The following DDX51 variants were observed in gnomAD, a reference collection of about 807,000 sequenced individuals.
DDX51 encodes the protein ATP-dependent RNA helicase DDX51.
In DDX51, 67 loss-of-function variants were observed where a neutral mutation model predicts 74.6. That is an observed-to-expected ratio of 0.90 (90% CI 0.74 to 1.10). The LOEUF is 1.10. Ranked by LOEUF, DDX51 falls within the 50% of genes least tolerant of loss-of-function variation. The probability of loss-of-function intolerance (pLI) is 0.00; values close to 1 mark genes in which losing one functional copy is unlikely to be tolerated. For missense variants in DDX51, 1,056 were observed against 905.2 expected (o/e 1.17, Z -2.14); for synonymous variants, 545 against 402.9 (o/e 1.35, Z -4.22).
intron 2 of DDX51, chr12:132,143,122 C>T: frequency 1.9e-6 from 1 of 532,194 alleles, no homozygotes; most frequent in South Asian, 2.0e-5. Flanking sequence ...CCTCCCGCAG[C>T]CAGGAGGTCC....
rs765984209 is a variant in DDX51 at position 132,140,207 on chromosome 12, G to A, written c.1674-8C>T. The A allele has an allele frequency of 1.2e-6, 2 of 1,610,898 alleles. No individual in the cohort carries two copies. The highest frequency in any genetic ancestry group is 1.3e-5 in the African/African-American group (1 of 75,030). On this transcript the variant is annotated splice_region_variant and splice_polypyrimidine_tract_variant and intron_variant, in intron 11 of 14. Transcript: ENST00000397333. The stretch of plus-strand genomic sequence containing the variant: ...GCGTCCGTGCTGATGAGCCTGCCGG[G>A]ACACGCAGCATTGTGGGCCCGACGT...
In DDX51 at chr12:132,144,271, T is replaced by C. The variant is rs1441597242; in HGVS notation, c.26A>G (p.Tyr9Cys). The C allele has an allele frequency of 3.2e-6, 4 of 1,251,766 alleles. No individual in the cohort carries two copies. Among genetic ancestry groups the C allele is most frequent in the East Asian group, 3.2e-5 (1 of 31,546 alleles). 77.5% of individuals were successfully genotyped at this position (1,251,766 alleles called of 1,614,324 possible). MALFYVARYPGPDAAAAAG... is the reference protein window; with the variant it reads MALFYVARCPGPDAAAAAG... ...CGCAGCTGCCGCATCGGGGCCCGGG[T>C]ACCGCGCGACGTAGAACAGCGCCAT... is the stretch of plus-strand genomic sequence containing the variant. Residue 9 changes from tyrosine to cysteine, a missense_variant, in exon 1 of 15, where the codon TAC (tyrosine) becomes TGC (cysteine). Physicochemically the swap from Tyr to Cys is radical, Grantham distance 194. Transcript: ENST00000397333.
Position 132,141,267 on chromosome 12 carries a change from C to A in DDX51, c.1250+8G>T. The A allele has an allele frequency of 6.3e-7, 1 of 1,586,106 alleles. No individual in the cohort carries two copies. The highest frequency in any genetic ancestry group is 8.5e-7 in the Non-Finnish European group (1 of 1,171,868). ...GGGAGGCCAGCACCTGGGCGTGCTG[C>A]TGGATACCTGGCGGCTGTCACAGCC... On this transcript the variant is annotated splice_region_variant and intron_variant, in intron 8 of 14. Transcript: ENST00000397333.
Position 132,140,033 on chromosome 12 carries a change from C to T in DDX51, c.1775+65G>A. 3.1e-6 allele frequency: 5 copies of T among 1,606,316 alleles called. No individual in the cohort carries two copies. In the South Asian group the frequency reaches 5.5e-5, roughly 18 times the overall value. ...CCACCCCACGCCAGTCAAGACGGTC[C>T]CACATCAACGCCCAGGAGCTCACAA... On this transcript the variant is annotated intron_variant, in intron 12 of 14. Transcript: ENST00000397333.
Position 132,140,730 on chromosome 12 carries a change from G to A in DDX51, c.1446C>T (p.His482=), listed in dbSNP as rs1897421160. The A allele has an allele frequency of 1.9e-6, 3 of 1,613,030 alleles. No homozygotes were observed. Among genetic ancestry groups the A allele is most frequent in the Admixed American group, 1.7e-5 (1 of 60,002 alleles). The part of the protein sequence containing the change: ...KYAFPVGLTH[H]YVPCSLSSKP... ...TAGAGCTGAGGCTGCAGGGCACGTAGTGGTGCTACAGGGACGGCAGGGGGT... is the reference window on the plus strand; with the variant it reads ...TAGAGCTGAGGCTGCAGGGCACGTAATGGTGCTACAGGGACGGCAGGGGGT... Residue 482 remains histidine, a synonymous_variant, in exon 10 of 15, where the codon CAC becomes CAT. Transcript: ENST00000397333.
At chr12:132,143,016 T>C (rs1326202000) in intron 2 of DDX51, 138 bp from the exon 3 acceptor site, 1 of 1,123,352 alleles carries the variant, frequency 8.9e-7, no homozygotes, top group Non-Finnish European at 1.3e-6. Flanking sequence ...AGGATGCGCT[T>C]TCCATACAGC....
In DDX51 at chr12:132,142,333, C is replaced by G; in HGVS notation, c.760G>C (p.Val254Leu). 1 of 1,613,128 alleles carries G rather than the reference C, an allele frequency of 6.2e-7. No individual in the cohort carries two copies. The highest frequency in any genetic ancestry group is 8.5e-7 in the Non-Finnish European group (1 of 1,180,014). ...TTCCCACTGCCTGTTGGGGCAGAAA[C>G]ACAGAGGTCGCTAGGCCGGTAGCCA... Reference protein sequence around the residue: ...RGGYRPSDLCVSAPTGSGKTL... With the variant: ...RGGYRPSDLCLSAPTGSGKTL... Residue 254 changes from valine to leucine, a missense_variant, in exon 4 of 15, where the codon GTT becomes CTT. Transcript: ENST00000397333.
At chr12:132,141,471 G>C (rs1897459670) in intron 7 of DDX51, 27 bp downstream of exon 7, 3 of 1,582,320 alleles carry the variant, frequency 1.9e-6, no homozygotes, top group Admixed American at 1.7e-5. Context: ...TGAGCTCAAA[G>C]CCCAGGCCCC....
rs1897380851 is a variant in DDX51, at chr12:132,139,903, A to C, written c.1797T>G (p.Ala599=). The change falls in exon 13 of 15, where the codon GCT becomes GCG. Residue 599 remains alanine (A), a synonymous_variant. Coordinates refer to ENST00000397333, the MANE Select transcript of DDX51 (RefSeq NM_175066.4). ...YVHRVGRTAR[A]GKTGQAFTLL... ...GTGTGAAGGCCTGTCCAGTTTTCCC[A>C]GCGCGAGCTGTCCTCCCAACCCTGG... The C allele has an allele frequency of 2.5e-6, 4 of 1,612,994 alleles. No individual in the cohort carries two copies. Among genetic ancestry groups the C allele is most frequent in the South Asian group, 2.2e-5 (2 of 91,094 alleles).
At chr12:132,140,261 G>T in intron 11 of DDX51, 62 bp from the exon 12 acceptor site, 1 of 1,579,790 alleles carries the variant, frequency 6.3e-7, no homozygotes, top group South Asian at 1.1e-5. Flanking sequence ...GGCAGCACCG[G>T]CCCTGCGGGG....
rs1897297516 is a variant in DDX51, at chr12:132,137,541, G to A, written c.*1731C>T. On this transcript the variant is annotated 3_prime_UTR_variant, in exon 15 of 15. Coordinates refer to ENST00000397333, the MANE Select transcript of DDX51 (RefSeq NM_175066.4). ...TGTTTGAACACAGTCCACAGGTTCA[G>A]TGGTTGCATCTCTAATCAGCTGCCA... 1 of 152,206 alleles carries A rather than the reference G, an allele frequency of 6.6e-6. No individual in the cohort carries two copies. The allele number at this position is 152,206 out of a possible 1,614,324, so 9.4% of individuals were successfully genotyped here.
intron 4 of DDX51, 39 bp downstream of exon 4, chr12:132,142,238 T>C (rs1394331618): frequency 1.9e-6 from 3 of 1,607,146 alleles, no homozygotes; most frequent in Non-Finnish European, 2.6e-6. Context: ...ACCTGTCCTC[T>C]GCACACCCGC....
At position 132,139,169 on chromosome 12, in the gene DDX51, G is replaced by A. The variant is rs1176938879; in HGVS notation, c.*103C>T. On this transcript the variant is annotated 3_prime_UTR_variant, in exon 15 of 15. Coordinates refer to ENST00000397333, the MANE Select transcript of DDX51 (RefSeq NM_175066.4). ...CTTGGGGAGGAAGGCTGTGTCCACT[G>A]GGGGATTCCTTTCCTCACATACAGG... 1.0e-5 allele frequency: 15 copies of A among 1,492,870 alleles called. No individual in the cohort carries two copies. The highest frequency in any genetic ancestry group is 1.7e-4 in the Middle Eastern group (1 of 5,862). The allele number at this position is 1,492,870 out of a possible 1,614,324, so 92.5% of individuals were successfully genotyped here.
At chr12:132,142,657 G>T (rs1429276063) in intron 3 of DDX51, 71 bp downstream of exon 3, 7 of 1,578,974 alleles carry the variant, frequency 4.4e-6, no homozygotes, top group African/African-American at 1.3e-5. Flanking sequence ...CCTGACCCAC[G>T]GCCACTCACA....
rs775819345 is a variant in DDX51 at position 132,141,269 on chromosome 12, G to A, written c.1250+6C>T. On this transcript the variant is annotated splice_donor_region_variant and intron_variant, in intron 8 of 14. Coordinates refer to ENST00000397333, the MANE Select transcript of DDX51 (RefSeq NM_175066.4). The stretch of plus-strand genomic sequence containing the variant: ...GAGGCCAGCACCTGGGCGTGCTGCT[G>A]GATACCTGGCGGCTGTCACAGCCTG... 1.1e-5 allele frequency: 18 copies of A among 1,587,144 alleles called. No homozygotes were observed. The highest frequency in any genetic ancestry group is 1.5e-5 in the Non-Finnish European group (18 of 1,172,374).
In DDX51 at chr12:132,142,838, CAGTT is replaced by C. The variant is rs773364513; in HGVS notation, c.556_559del (p.Asn186ValfsTer42). ...GTCTTCGGTGACATTCCTTCTGACA[CAGTT>C]AGGCTCAGCCAGCCACCTTGGCAGG... On this transcript the variant is annotated frameshift_variant, in exon 3 of 15. Transcript: ENST00000397333. LOFTEE classifies it high-confidence loss of function. The C allele has an allele frequency of 2.6e-4, 412 of 1,612,814 alleles. No individual in the cohort carries two copies. Among genetic ancestry groups the C allele is most frequent in the Non-Finnish European group, 3.2e-4 (383 of 1,180,018 alleles).
intron 11 of DDX51, 67 bp downstream of exon 11, chr12:132,140,355 AG>A: frequency 3.2e-6 from 5 of 1,585,520 alleles, no homozygotes; most frequent in Middle Eastern, 1.7e-4. Flanking sequence ...CCTTTTAGAG[AG>A]CCCCAGGCTG....
chr12:132,141,057 T>A (rs1378279822), intron 8 of DDX51, 37 bp from the exon 9 acceptor site: 1 of 1,558,884 alleles, frequency 6.4e-7, no homozygotes, highest in East Asian at 2.2e-5. Flanking sequence ...ACCCTACCAG[T>A]GGCTGCCCCG....
chr12:132,141,817 C>A (rs756510998), intron 6 of DDX51, 33 bp downstream of exon 6: 24 of 1,606,752 alleles, frequency 1.5e-5, no homozygotes, highest in Non-Finnish European at 2.0e-5. Flanking sequence ...GAGCAGGGAC[C>A]CCCTGAAAAA....
Sources: gnomAD v4.1 joint callset for allele counts on GRCh38, gnomAD v4.1.1 for gene constraint, MANE v1.5 for transcripts, NCBI Gene and HGNC (gene_info 2026-07-23, HGNC 2026-07-21) for gene names.